RNF115: variants seen among roughly 807,000 people sequenced by gnomAD.
RNF115 encodes the protein ring finger protein 115, also known as E3 ubiquitin-protein ligase RNF115.
RNF115 carries 31 observed loss-of-function variants against 39.2 expected under a neutral mutation model. That is an observed-to-expected ratio of 0.79 (90% CI 0.59 to 1.07). The LOEUF is 1.07. Among genes scored for constraint, RNF115 ranks in the 50% least tolerant of loss-of-function variants. The pLI is 0.00. For missense variants in RNF115, 384 were observed against 381.7 expected (o/e 1.01, Z -0.05); for synonymous variants, 124 against 131.0 (o/e 0.95, Z 0.37).
chr1:145,751,377 C>A, intron 6 of RNF115, 61 bp downstream of exon 6: 1 of 1,171,590 alleles, frequency 8.5e-7, no homozygotes. Context: ...AGAAGGAAAG[C>A]AGGAAGCCTG....
intron 1 of RNF115, among the ~76,000 whole-genome samples, chr1:145,789,610 C>A (rs1405183356): frequency 6.6e-6 from 1 of 150,884 alleles, no homozygotes; most frequent in African/African-American, 2.4e-5. Context: ...GTTGGTCAGG[C>A]TAGTCTCGAA....
chr1:145,776,111 T>C (rs1302422811), intron 3 of RNF115, among the ~76,000 whole-genome samples: 1 of 151,224 alleles, frequency 6.6e-6, no homozygotes, highest in East Asian at 1.9e-4. Flanking sequence ...ACTGTACCAA[T>C]TCAGACTCCT....
intron 8 of RNF115, 76 bp from the exon 9 acceptor site, chr1:145,747,073 TGA>T (rs1330169625): frequency 7.0e-7 from 1 of 1,429,670 alleles, no homozygotes; most frequent in Non-Finnish European, 9.5e-7. Flanking sequence ...TAAATAACCC[TGA>T]GAATTGTCAC....
chr1:145,819,353 G>A (rs1369792534), intron 1 of RNF115, among the ~76,000 whole-genome samples: 3 of 151,644 alleles, frequency 2.0e-5, no homozygotes, highest in Non-Finnish European at 4.4e-5. Context: ...GGAGGCTAAG[G>A]TGGGAGGATC....
At chr1:145,787,391 G>A (rs1648432154) in intron 2 of RNF115, among the ~76,000 whole-genome samples, 1 of 151,890 alleles carries the variant, frequency 6.6e-6, no homozygotes, top group Non-Finnish European at 1.5e-5. Context: ...GGCAAACACG[G>A]TGAAACCCCA....
intron 5 of RNF115, among the ~76,000 whole-genome samples, chr1:145,752,080 T>A (rs1658108917): frequency 6.6e-6 from 1 of 152,146 alleles, no homozygotes. Context: ...TCCAGACTAC[T>A]GGATGACAGA....
chr1:145,747,963 C>A (rs781785893), intron 8 of RNF115, 32 bp downstream of exon 8: 53 of 1,365,000 alleles, frequency 3.9e-5, no homozygotes, highest in Non-Finnish European at 4.7e-5. Flanking sequence ...TCTGAATCAT[C>A]CCCCAAAGAA....
intron 3 of RNF115, among the ~76,000 whole-genome samples, chr1:145,775,465 G>A (rs1423734052): frequency 4.1e-5 from 6 of 146,804 alleles, no homozygotes; most frequent in African/African-American, 1.5e-4. Flanking sequence ...CCGTGATCAT[G>A]GTTCACTGCA....
rs181488985 is a variant in RNF115 at position 145,761,622 on chromosome 1, G to C, written c.429-8573C>G. 2.4e-3 allele frequency among the ~76,000 whole-genome samples: 371 copies of C among 152,360 alleles called. 2 individuals are homozygous for C. The highest frequency in any genetic ancestry group is 8.5e-3 in the African/African-American group (353 of 41,580). ...TTTCAGAAGATGTATGGAAACACCC[G>C]GATGCCCAGGCAAAAGTTTGCTGCA... is the stretch of plus-strand genomic sequence containing the variant. On this transcript the variant is annotated intron_variant, in intron 4 of 8. Coordinates refer to ENST00000582693, the MANE Select transcript of RNF115 (RefSeq NM_014455.4).
At position 145,745,515 on chromosome 1, in the gene RNF115, T is replaced by C. The variant is rs1256386225; in HGVS notation, c.*1351A>G. On this transcript the variant is annotated 3_prime_UTR_variant, in exon 9 of 9. Transcript: ENST00000582693. ...CTCTTGTTGCCCAGACTGGAGTGCA[T>C]TGGTATGATCCGGCTCACCGCAACC... 6.6e-6 allele frequency: 1 copy of C among 151,112 alleles called. No homozygotes were observed. The highest frequency in any genetic ancestry group is 2.0e-4 in the East Asian group (1 of 5,110). 9.4% of individuals were successfully genotyped at this position (151,112 alleles called of 1,614,324 possible).
At chr1:145,766,789 CGGGGGG>C (rs1164074188) in intron 4 of RNF115, among the ~76,000 whole-genome samples, 1 of 5,086 alleles carries the variant, frequency 2.0e-4, no homozygotes, top group African/African-American at 3.7e-4. Flanking sequence ...GGCGGCTGGC[CGGGGGG>C]GGGGGGGGGG....
chr1:145,773,571 A>G (rs587724495), intron 3 of RNF115: 1 of 152,220 alleles, frequency 6.6e-6, no homozygotes, highest in South Asian at 2.1e-4. Flanking sequence ...TTATAAATCT[A>G]CCTTAATATT....
At chr1:145,766,478 T>A (rs1477567125) in intron 4 of RNF115, among the ~76,000 whole-genome samples, 2 of 152,096 alleles carry the variant, frequency 1.3e-5, no homozygotes, top group East Asian at 3.9e-4. Flanking sequence ...ACCGCCATTG[T>A]CATCATGGCC....
At position 145,743,070 on chromosome 1, in the gene RNF115, G is replaced by A. The variant is rs987090398; in HGVS notation, c.*3796C>T. On this transcript the variant is annotated 3_prime_UTR_variant, in exon 9 of 9. Transcript: ENST00000582693. ...CACTCTGTATACATGTATCATTTCT[G>A]TTTTTCCTCATTGTGATGGTTAATC... The A allele has an allele frequency of 6.6e-6, 1 of 152,170 alleles. No homozygotes were observed. 9.4% of individuals were successfully genotyped at this position (152,170 alleles called of 1,614,324 possible). A position where few individuals can be genotyped will look rare whatever the true frequency, so the allele number is the denominator to read the frequency against.
chr1:145,755,732 TA>T (rs200085069), intron 4 of RNF115, among the ~76,000 whole-genome samples: 4 of 150,212 alleles, frequency 2.7e-5, no homozygotes, highest in Admixed American at 6.6e-5. Flanking sequence ...TGAAGAGCCT[TA>T]AAAAAAAACA....
At position 145,788,674 on chromosome 1, in the gene RNF115, G is replaced by T. The variant is rs184742344; in HGVS notation, c.161+234C>A. On this transcript the variant is annotated intron_variant, in intron 2 of 8. Transcript: ENST00000582693. ...TGCCACATACAATCAGGAGCAGTGCGTATCACCACATCTGCTATGATATCA... is the reference window on the plus strand; with the variant it reads ...TGCCACATACAATCAGGAGCAGTGCTTATCACCACATCTGCTATGATATCA... The T allele has an allele frequency of 6.1e-5, 39 of 643,084 alleles. No homozygotes were observed. In the African/African-American group the frequency reaches 6.2e-4, roughly 10 times the overall value. 39.8% of individuals were successfully genotyped at this position (643,084 alleles called of 1,614,324 possible). A position where few individuals can be genotyped will look rare whatever the true frequency, so the allele number is the denominator to read the frequency against.
intron 3 of RNF115, chr1:145,772,598 T>C (rs1355686181): frequency 6.6e-6 from 1 of 152,216 alleles, no homozygotes; most frequent in Non-Finnish European, 1.5e-5. Flanking sequence ...CAGAAATTCA[T>C]CTTATTTAAG....
At chr1:145,764,905 C>A (rs587598337) in intron 4 of RNF115, among the ~76,000 whole-genome samples, 13 of 152,354 alleles carry the variant, frequency 8.5e-5, no homozygotes, top group Admixed American at 4.6e-4. Flanking sequence ...CCGGCCACCA[C>A]CCCGTCTAGG....
chr1:145,823,447 G>C (rs1650385206), intron 1 of RNF115, among the ~76,000 whole-genome samples: 1 of 147,960 alleles, frequency 6.8e-6, no homozygotes, highest in Admixed American at 6.8e-5. Context: ...GTAGGAAAAA[G>C]ACCAGGTATA....
Sources: gnomAD v4.1 joint callset for allele counts (sites outside exome capture counted in the v4.1 genomes callset) on GRCh38, gnomAD v4.1.1 for gene constraint, MANE v1.5 for transcripts, NCBI Gene and HGNC (gene_info 2026-07-23, HGNC 2026-07-21) for gene names.